The following DAB1 variants were observed in gnomAD, a reference collection of about 807,000 sequenced individuals.
DAB1 encodes disabled homolog 1.
In DAB1, 15 loss-of-function variants were observed where a neutral mutation model predicts 64.6. The ratio of observed to expected loss-of-function variants is 0.23; its 90% CI spans 0.16 to 0.36. The LOEUF is 0.36. Ranked by LOEUF, DAB1 falls within the 10% of genes least tolerant of loss-of-function variation. The pLI is 1.00. For synonymous variants in DAB1, 235 were observed against 251.9 expected, an observed-to-expected ratio of 0.93 and a Z score of 0.64; for missense variants, 596 against 706.7, an observed-to-expected ratio of 0.84 and a Z score of 1.78.
At position 57,879,626 on chromosome 1, in the gene DAB1, A is replaced by G. The variant is rs144840167; in HGVS notation, n.87+4373T>C. ...TGGGGATCTGTAGCTCCTAAAAATCAAGCCTAGTTTTCAGCACACAGTAGG... is the reference window on the plus strand; with the variant it reads ...TGGGGATCTGTAGCTCCTAAAAATCGAGCCTAGTTTTCAGCACACAGTAGG... On this transcript the variant is annotated intron_variant and non_coding_transcript_variant, in intron 1 of 1. Transcript: ENST00000477280. 2.0e-4 allele frequency among the ~76,000 whole-genome samples: 30 copies of G among 152,246 alleles called. No individual in the cohort carries two copies. In the East Asian group the frequency reaches 5.8e-3, roughly 29 times the overall value.
intron 3 of DAB1, among the ~76,000 whole-genome samples, chr1:57,142,256 G>A (rs1490720601): frequency 6.6e-6 from 1 of 152,070 alleles, no homozygotes; most frequent in Non-Finnish European, 1.5e-5. Context: ...GTCTAGCAAA[G>A]GAAACAGAAT....
intron 5 of DAB1, among the ~76,000 whole-genome samples, chr1:57,997,692 G>A (rs1018782879): frequency 2.0e-5 from 3 of 152,058 alleles, no homozygotes; most frequent in African/African-American, 7.2e-5. Flanking sequence ...AATAGAAGTG[G>A]GGTCTGAGGG....
chr1:57,776,453 A>G (rs1390432951), intron 6 of DAB1, among the ~76,000 whole-genome samples: 1 of 151,808 alleles, frequency 6.6e-6, no homozygotes, highest in Non-Finnish European at 1.5e-5. Flanking sequence ...GTAGTTACTG[A>G]CATAGTTGAA....
chr1:57,292,628 A>G (rs1244131536), intron 1 of DAB1, among the ~76,000 whole-genome samples: 1 of 152,214 alleles, frequency 6.6e-6, no homozygotes, highest in African/African-American at 2.4e-5. Flanking sequence ...ACATAATAAA[A>G]TTTATTAATA....
At position 57,240,562 on chromosome 1, in the gene DAB1, C is replaced by T. The variant is rs116452285; in HGVS notation, c.67+50402G>A. ...CAAGGCTCAGAAAATATTAACTTGA[C>T]CAAAGTCACAAATAATTAGAGACAT... On this transcript the variant is annotated intron_variant, in intron 2 of 14. Coordinates refer to ENST00000371236, the MANE Select transcript of DAB1 (RefSeq NM_001365792.1). Among the ~76,000 whole-genome samples, 1,020 of 152,264 alleles carry T rather than the reference C, an allele frequency of 6.7e-3. 6 individuals are homozygous for T. Among genetic ancestry groups the T allele is most frequent in the Middle Eastern group, 0.01 (3 of 294 alleles).
At chr1:57,945,527 A>T (rs892278203) in intron 5 of DAB1, among the ~76,000 whole-genome samples, 6 of 151,772 alleles carry the variant, frequency 4.0e-5, no homozygotes, top group African/African-American at 1.2e-4. Context: ...CAATCCTCCC[A>T]TCTTGGCTTC....
intron 5 of DAB1, among the ~76,000 whole-genome samples, chr1:58,129,257 A>G (rs1159398909): frequency 6.6e-6 from 1 of 151,612 alleles, no homozygotes; most frequent in African/African-American, 2.4e-5. Context: ...AGGTGTTTGT[A>G]GTATTCCCTG....
intron 7 of DAB1, among the ~76,000 whole-genome samples, chr1:57,515,822 C>T (rs1456891943): frequency 3.9e-5 from 6 of 152,210 alleles, no homozygotes; most frequent in Admixed American, 3.9e-4. Context: ...GCATTTACAG[C>T]CTAACAGGTC....
At chr1:57,518,645 C>T (rs1317600780) in intron 7 of DAB1, among the ~76,000 whole-genome samples, 3 of 152,150 alleles carry the variant, frequency 2.0e-5, no homozygotes, top group Admixed American at 2.0e-4. Flanking sequence ...AGCTGATAAG[C>T]AAGCTCTCGT....
intron 1 of DAB1, among the ~76,000 whole-genome samples, chr1:57,321,872 TCTTTCC>T (rs879898003): frequency 0.24 from 37,063 of 152,032 alleles, 5,717 homozygotes; most frequent in Non-Finnish European, 0.35. Context: ...AATGCATGAC[TCTTTCC>T]ACAATACCTA....
chr1:57,527,186 T>C (rs960187442), intron 7 of DAB1, among the ~76,000 whole-genome samples: 1 of 152,182 alleles, frequency 6.6e-6, no homozygotes, highest in Non-Finnish European at 1.5e-5. Flanking sequence ...TTATAATCCT[T>C]GAAATTGTCC....
chr1:57,587,480 T>C (rs1226058235), intron 7 of DAB1, among the ~76,000 whole-genome samples: 2 of 152,166 alleles, frequency 1.3e-5, no homozygotes. Context: ...TTGTATAATG[T>C]TATTTTCCAG....
intron 14 of DAB1, among the ~76,000 whole-genome samples, chr1:57,009,338 A>G (rs895139398): frequency 2.0e-5 from 3 of 152,240 alleles, no homozygotes; most frequent in Non-Finnish European, 4.4e-5. Context: ...GCTTTGCAAG[A>G]GTGAACTTCT....
intron 1 of DAB1, among the ~76,000 whole-genome samples, chr1:57,873,287 T>C (rs1643985158): frequency 6.6e-6 from 1 of 152,106 alleles, no homozygotes. Context: ...CTATATTCTG[T>C]TGTCTTGTTC....
intron 7 of DAB1, among the ~76,000 whole-genome samples, chr1:57,509,863 GAC>G (rs1644387462): frequency 6.6e-6 from 1 of 152,164 alleles, no homozygotes; most frequent in African/African-American, 2.4e-5. Flanking sequence ...TAAAACAAAT[GAC>G]AGACGAAAAC....
intron 7 of DAB1, among the ~76,000 whole-genome samples, chr1:57,436,206 C>T (rs1685689245): frequency 6.6e-6 from 1 of 152,136 alleles, no homozygotes; most frequent in African/African-American, 2.4e-5. Context: ...CGTGAGCCAC[C>T]ATGCCCGGCT....
At chr1:57,454,405 C>G (rs902964499) in intron 7 of DAB1, among the ~76,000 whole-genome samples, 2 of 152,044 alleles carry the variant, frequency 1.3e-5, no homozygotes, top group Non-Finnish European at 2.9e-5. Context: ...AACACAGGAA[C>G]AGAAAACCAA....
intron 1 of DAB1, chr1:57,874,168 G>A (rs967824786): frequency 6.6e-6 from 1 of 152,172 alleles, no homozygotes; most frequent in African/African-American, 2.4e-5. Context: ...CTTTCCAAGA[G>A]AGACTGTGAA....
At chr1:58,452,456 C>A (rs1202801135) in intron 3 of DAB1, among the ~76,000 whole-genome samples, 1 of 151,864 alleles carries the variant, frequency 6.6e-6, no homozygotes, top group East Asian at 1.9e-4. Flanking sequence ...CTGGAACTTT[C>A]ATTCACTGCT....
Sources: allele counts gnomAD v4.1 joint callset (sites outside exome capture counted in the v4.1 genomes callset), GRCh38; gene constraint gnomAD v4.1.1; transcripts MANE v1.5; gene names NCBI Gene and HGNC (gene_info 2026-07-23, HGNC 2026-07-21).